The following CHRM3 variants were observed in gnomAD, a reference collection of about 807,000 sequenced individuals.
CHRM3 encodes muscarinic acetylcholine receptor M3.
In CHRM3, 11 loss-of-function variants were observed where a neutral mutation model predicts 41.8. The observed-to-expected ratio is 0.26, with a 90% confidence interval of 0.17 to 0.44. The LOEUF (loss-of-function observed/expected upper bound fraction) is 0.44, where lower values mean the gene tolerates loss of function less well. CHRM3 is among the 20% of genes least tolerant of loss of function. The pLI is 1.00. For synonymous variants in CHRM3, 297 were observed against 301.4 expected, an observed-to-expected ratio of 0.99 and a Z score of 0.15; for missense variants, 571 against 745.4, an observed-to-expected ratio of 0.77 and a Z score of 2.72.
At chr1:239,443,065 G>T (rs1016228762) in intron 1 of CHRM3, among the ~76,000 whole-genome samples, 1 of 152,096 alleles carries the variant, frequency 6.6e-6, no homozygotes, top group Admixed American at 6.5e-5. Context: ...ACTGCTTGAT[G>T]GTTTTATGTA....
intron 5 of CHRM3, among the ~76,000 whole-genome samples, chr1:239,798,062 G>A (rs1348621949): frequency 2.6e-5 from 4 of 152,012 alleles, no homozygotes; most frequent in African/African-American, 9.7e-5. Flanking sequence ...AAAAAAAAAT[G>A]TCAAAACCAA....
At chr1:239,601,187 T>C (rs1665489512) in intron 3 of CHRM3, among the ~76,000 whole-genome samples, 1 of 152,202 alleles carries the variant, frequency 6.6e-6, no homozygotes, top group African/African-American at 2.4e-5. Context: ...GCCAGTTCCA[T>C]TCTCAAATCT....
intron 3 of CHRM3, among the ~76,000 whole-genome samples, chr1:239,588,346 AT>A (rs1231757752): frequency 6.6e-6 from 1 of 152,132 alleles, no homozygotes; most frequent in Non-Finnish European, 1.5e-5. Flanking sequence ...GGGTATTTTT[AT>A]TTTGTTAACA....
chr1:239,521,911 T>C (rs1000167154), intron 2 of CHRM3, among the ~76,000 whole-genome samples: 6 of 152,220 alleles, frequency 3.9e-5, no homozygotes, highest in African/African-American at 1.2e-4. Flanking sequence ...ATAGGGTATA[T>C]GCAAATTCTA....
intron 2 of CHRM3, among the ~76,000 whole-genome samples, chr1:239,501,210 G>A (rs560053331): frequency 6.6e-5 from 10 of 152,270 alleles, no homozygotes; most frequent in Middle Eastern, 3.4e-3. Context: ...GACAGCCCTA[G>A]ACAGGTCATT....
rs16838578 is a variant in CHRM3, at chr1:239,631,622, G to T, written c.-312-602G>T. Among the ~76,000 whole-genome samples, 334 of 152,244 alleles carry T rather than the reference G, an allele frequency of 2.2e-3. 2 individuals carry two copies. Among genetic ancestry groups the T allele is most frequent in the African/African-American group, 7.8e-3 (324 of 41,526 alleles). On this transcript the variant is annotated intron_variant, in intron 3 of 6. Coordinates refer to ENST00000676153, the MANE Select transcript of CHRM3 (RefSeq NM_001375978.1). Reference sequence around the variant, plus strand: ...TCTCTAGGTTAACCTTCTAATGGAGGTACTTTCCTAAGATTCTGGCCTAGC... The same window carrying T: ...TCTCTAGGTTAACCTTCTAATGGAGTTACTTTCCTAAGATTCTGGCCTAGC...
intron 5 of CHRM3, among the ~76,000 whole-genome samples, chr1:239,700,065 A>AT (rs964470225): frequency 2.0e-5 from 3 of 152,118 alleles, no homozygotes; most frequent in East Asian, 1.9e-4. Flanking sequence ...TATTTAATTA[A>AT]TTTTTTTTCA....
At chr1:239,470,470 AC>A (rs1666037127) in intron 1 of CHRM3, among the ~76,000 whole-genome samples, 1 of 152,146 alleles carries the variant, frequency 6.6e-6, no homozygotes, top group African/African-American at 2.4e-5. Context: ...AGAAAATGTT[AC>A]CGTGTGGGCC....
At chr1:239,452,735 A>T (rs955810457) in intron 1 of CHRM3, among the ~76,000 whole-genome samples, 1 of 152,226 alleles carries the variant, frequency 6.6e-6, no homozygotes, top group Admixed American at 6.5e-5. Flanking sequence ...GAAAGCAGTG[A>T]AAGTTAAAAA....
At chr1:239,581,416 T>G (rs961515624) in intron 3 of CHRM3, among the ~76,000 whole-genome samples, 1 of 150,534 alleles carries the variant, frequency 6.6e-6, no homozygotes, top group Middle Eastern at 3.4e-3. Flanking sequence ...ACATCATTGC[T>G]TTTTCATTCT....
At chr1:239,461,961 G>A (rs763463433) in intron 1 of CHRM3, among the ~76,000 whole-genome samples, 1 of 152,044 alleles carries the variant, frequency 6.6e-6, no homozygotes, top group Non-Finnish European at 1.5e-5. Flanking sequence ...AAAAATGACC[G>A]TCCAATGGCC....
intron 3 of CHRM3, among the ~76,000 whole-genome samples, chr1:239,603,512 G>A (rs1014641436): frequency 2.0e-5 from 3 of 152,066 alleles, no homozygotes; most frequent in African/African-American, 7.2e-5. Context: ...TTAGCATTTG[G>A]AAGGAAGGTT....
At chr1:239,459,246 A>G (rs928292874) in intron 1 of CHRM3, among the ~76,000 whole-genome samples, 1 of 152,184 alleles carries the variant, frequency 6.6e-6, no homozygotes, top group Non-Finnish European at 1.5e-5. Context: ...CCTATTTTCA[A>G]ATAACAGTCA....
intron 4 of CHRM3, among the ~76,000 whole-genome samples, chr1:239,652,840 G>A (rs1672360640): frequency 6.6e-6 from 1 of 152,072 alleles, no homozygotes; most frequent in Non-Finnish European, 1.5e-5. Flanking sequence ...ACCAAACAAA[G>A]TGGTCCATAA....
intron 4 of CHRM3, among the ~76,000 whole-genome samples, chr1:239,661,043 AAAT>A (rs745471251): frequency 5.1e-4 from 78 of 152,196 alleles, no homozygotes; most frequent in African/African-American, 1.9e-3. Flanking sequence ...AGGCATTTAA[AAAT>A]AATAACATGC....
At chr1:239,462,776 G>A (rs1041128972) in intron 1 of CHRM3, among the ~76,000 whole-genome samples, 2 of 152,208 alleles carry the variant, frequency 1.3e-5, no homozygotes, top group Admixed American at 6.5e-5. Flanking sequence ...AACTGTTTCT[G>A]CAGCTTTTTC....
intron 4 of CHRM3, among the ~76,000 whole-genome samples, chr1:239,668,287 C>T (rs1021439122): frequency 2.0e-5 from 3 of 151,560 alleles, no homozygotes; most frequent in African/African-American, 4.9e-5. Context: ...TGGGTTTTCA[C>T]CATGTTAGCC....
At chr1:239,553,020 C>T (rs186718832) in intron 3 of CHRM3, among the ~76,000 whole-genome samples, 2 of 152,176 alleles carry the variant, frequency 1.3e-5, no homozygotes, top group Non-Finnish European at 2.9e-5. Context: ...TTCCTAGCCA[C>T]GTTGTCTCTC....
At chr1:239,415,985 A>G (rs1051294836) in intron 1 of CHRM3, among the ~76,000 whole-genome samples, 58 of 152,290 alleles carry the variant, frequency 3.8e-4, no homozygotes, top group African/African-American at 1.4e-3. Context: ...GAATATACAC[A>G]TGGTAGCAGG....
Sources: allele counts gnomAD v4.1 joint callset (sites outside exome capture counted in the v4.1 genomes callset), GRCh38; gene constraint gnomAD v4.1.1; transcripts MANE v1.5; gene names NCBI Gene and HGNC (gene_info 2026-07-23, HGNC 2026-07-21).